The following MARCHF5 variants were observed in gnomAD, a reference collection of about 807,000 sequenced individuals.
MARCHF5 encodes membrane associated ring-CH-type finger 5.
MARCHF5 carries 5 observed loss-of-function variants against 36.5 expected under a neutral mutation model. The observed-to-expected ratio is 0.14, with a 90% CI of 0.07 to 0.29. MARCHF5 has a LOEUF of 0.29. Ranked by LOEUF, MARCHF5 falls within the 10% of genes least tolerant of loss-of-function variation. The probability of loss-of-function intolerance (pLI) is 1.00; values close to 1 mark genes in which losing one functional copy is unlikely to be tolerated. For missense variants in MARCHF5, 179 were observed against 336.3 expected (o/e 0.53, Z 3.66); for synonymous variants, 103 against 109.9 (o/e 0.94, Z 0.39).
intron 1 of MARCHF5, among the ~76,000 whole-genome samples, chr10:92,308,320 G>T (rs1471923151): frequency 2.0e-5 from 3 of 152,180 alleles, no homozygotes; most frequent in African/African-American, 7.2e-5. Flanking sequence ...GTGCTGGTGG[G>T]AGTGTAGCAG....
intron 3 of MARCHF5, among the ~76,000 whole-genome samples, chr10:92,347,519 TAGATGATAGATATATA>T (rs1439445124): frequency 1.6e-3 from 78 of 50,074 alleles, no homozygotes; most frequent in African/African-American, 4.3e-3. Context: ...GATAGATAGA[TAGATGATAGATATATA>T]GATAGATAGA....
At chr10:92,300,162 C>A (rs1338757483) in intron 1 of MARCHF5, among the ~76,000 whole-genome samples, 23 of 135,862 alleles carry the variant, frequency 1.7e-4, no homozygotes, top group Non-Finnish European at 3.0e-4. Flanking sequence ...GACCTTGTCT[C>A]AAAAAAAAAA....
chr10:92,332,220 A>C (rs114475722), intron 2 of MARCHF5, among the ~76,000 whole-genome samples: 198 of 151,988 alleles, frequency 1.3e-3, no homozygotes, highest in African/African-American at 4.6e-3. Context: ...AAATATATAT[A>C]ATTAACTTAG....
At position 92,313,948 on chromosome 10, in the gene MARCHF5, CT is replaced by C. The variant is rs1843176759; in HGVS notation, c.238+2615del. ...GTAGCTCACATCTGTAATCCCAGCA[CT>C]TTTGAGGCTCAGGTGGGTGGATTGC... On this transcript the variant is annotated intron_variant, in intron 2 of 5. Coordinates refer to ENST00000358935, the MANE Select transcript of MARCHF5 (RefSeq NM_017824.5). 4.6e-5 allele frequency among the ~76,000 whole-genome samples: 7 copies of C among 152,162 alleles called. No individual in the cohort carries two copies. In the South Asian group the frequency reaches 1.5e-3, roughly 32 times the overall value.
chr10:92,314,976 C>G (rs1204933654), intron 2 of MARCHF5, among the ~76,000 whole-genome samples: 1 of 152,220 alleles, frequency 6.6e-6, no homozygotes, highest in Non-Finnish European at 1.5e-5. Flanking sequence ...AACAATGACT[C>G]AAGCCAGCTG....
intron 3 of MARCHF5, among the ~76,000 whole-genome samples, chr10:92,343,964 C>T (rs1843610385): frequency 6.6e-6 from 1 of 152,098 alleles, no homozygotes; most frequent in Admixed American, 6.6e-5. Context: ...CTGAGAAAGA[C>T]ATAGAAACTT....
chr10:92,325,265 C>G (rs940271078), intron 2 of MARCHF5, among the ~76,000 whole-genome samples: 1 of 152,088 alleles, frequency 6.6e-6, no homozygotes, highest in Non-Finnish European at 1.5e-5. Context: ...ATTGCCTGAG[C>G]CCAAGAGTTC....
chr10:92,339,433 G>T (rs1692712738), intron 2 of MARCHF5, among the ~76,000 whole-genome samples: 1 of 151,290 alleles, frequency 6.6e-6, no homozygotes, highest in African/African-American at 2.5e-5. Context: ...ACTTTGGGAG[G>T]CTGAGGCGGG....
At chr10:92,307,279 T>C (rs1230644449) in intron 1 of MARCHF5, among the ~76,000 whole-genome samples, 8 of 152,086 alleles carry the variant, frequency 5.3e-5, no homozygotes, top group African/African-American at 1.9e-4. Context: ...CACACTCTTA[T>C]ATGCTGATAT....
chr10:92,302,448 CT>C (rs10714243), intron 1 of MARCHF5, among the ~76,000 whole-genome samples: 114,494 of 124,184 alleles, frequency 0.92, 52,670 homozygotes, highest in Middle Eastern at 0.97. Context: ...CTTTTTTTTT[CT>C]TTTTTTTTTT....
At chr10:92,295,407 A>ATTT (rs1474666242) in intron 1 of MARCHF5, among the ~76,000 whole-genome samples, 8 of 77,884 alleles carry the variant, frequency 1.0e-4, no homozygotes, top group Admixed American at 1.6e-4. Context: ...TTATTTATTT[A>ATTT]TTTTTTATTT....
At position 92,352,329 on chromosome 10, in the gene MARCHF5, G is replaced by C. The variant is rs953553484; in HGVS notation, c.*1122G>C. 3.3e-5 allele frequency: 5 copies of C among 152,186 alleles called. No individual in the cohort carries two copies. Among genetic ancestry groups the C allele is most frequent in the African/African-American group, 1.2e-4 (5 of 41,516 alleles). The allele number at this position is 152,186 out of a possible 1,614,324, so 9.4% of individuals were successfully genotyped here. The stretch of plus-strand genomic sequence containing the variant: ...CAAGAAGTCTTAAGTAAATATTGAG[G>C]TCATTGTTTTTGGCTTAAGTTTATT... On this transcript the variant is annotated 3_prime_UTR_variant, in exon 6 of 6. Coordinates refer to ENST00000358935, the MANE Select transcript of MARCHF5 (RefSeq NM_017824.5).
rs545977626 is a variant in MARCHF5, at chr10:92,352,558, A to G, written c.*1351A>G. ...TTTTAAGAGATATTTTCAAAACCCT[A>G]TTTATTTTCTTGTTCACAGTAATGC... On this transcript the variant is annotated 3_prime_UTR_variant, in exon 6 of 6. Transcript: ENST00000358935. The G allele has an allele frequency of 2.6e-5, 4 of 152,310 alleles. No homozygotes were observed. The highest frequency in any genetic ancestry group is 4.1e-4 in the South Asian group (2 of 4,830). 9.4% of individuals were successfully genotyped at this position (152,310 alleles called of 1,614,324 possible). A position where few individuals can be genotyped will look rare whatever the true frequency, so the allele number is the denominator to read the frequency against.
intron 2 of MARCHF5, among the ~76,000 whole-genome samples, chr10:92,338,066 T>G (rs1039832920): frequency 5.9e-5 from 9 of 151,612 alleles, no homozygotes; most frequent in Admixed American, 3.3e-4. Context: ...GGCGCACATC[T>G]GTGGTCCCAG....
chr10:92,325,343 TTAAA>T (rs1843343659), intron 2 of MARCHF5, among the ~76,000 whole-genome samples: 1 of 152,118 alleles, frequency 6.6e-6, no homozygotes, highest in South Asian at 2.1e-4. Context: ...ACCTTATGTC[TTAAA>T]TAAAAAGAGA....
chr10:92,320,946 A>G (rs1275860565), intron 2 of MARCHF5, among the ~76,000 whole-genome samples: 1 of 152,064 alleles, frequency 6.6e-6, no homozygotes, highest in African/African-American at 2.4e-5. Flanking sequence ...AGCTCCATTC[A>G]TGATTAAGTG....
At chr10:92,350,971 A>G in intron 5 of MARCHF5, 120 bp from the exon 6 acceptor site, 3 of 623,978 alleles carry the variant, frequency 4.8e-6, no homozygotes, top group Non-Finnish European at 8.6e-6. Flanking sequence ...TTTCATTTGC[A>G]GTCATCTGAA....
intron 2 of MARCHF5, among the ~76,000 whole-genome samples, chr10:92,338,216 C>G (rs1019465855): frequency 6.6e-6 from 1 of 151,854 alleles, no homozygotes; most frequent in Non-Finnish European, 1.5e-5. Flanking sequence ...ATCAACCATA[C>G]GAAGGTTGAA....
chr10:92,314,736 C>A (rs1205575140), intron 2 of MARCHF5, among the ~76,000 whole-genome samples: 1 of 69,322 alleles, frequency 1.4e-5, no homozygotes, highest in East Asian at 5.6e-4. Context: ...TTTGCTGCTG[C>A]TGCTTCCCCC....
Sources: allele counts gnomAD v4.1 joint callset (sites outside exome capture counted in the v4.1 genomes callset), GRCh38; gene constraint gnomAD v4.1.1; transcripts MANE v1.5; gene names NCBI Gene and HGNC (gene_info 2026-07-23, HGNC 2026-07-21).